The following SPAG16 variants were observed in gnomAD, a reference collection of about 807,000 sequenced individuals.
SPAG16 encodes the protein sperm associated antigen 16.
Under a neutral mutation model 80.4 loss-of-function variants are expected in SPAG16, and 86 were observed. The observed-to-expected ratio is 1.07, with a 90% CI of 0.90 to 1.28. The LOEUF (loss-of-function observed/expected upper bound fraction) is 1.28. Among genes scored for constraint, SPAG16 ranks in the 50% most tolerant of loss-of-function variants. The pLI is 0.00. For synonymous variants in SPAG16, 294 were observed against 265.9 expected (o/e 1.11, Z -1.03); for missense variants, 870 against 765.3 (o/e 1.14, Z -1.61).
At chr2:213,865,220 A>C (rs2105960699) in intron 11 of SPAG16, among the ~76,000 whole-genome samples, 1 of 152,162 alleles carries the variant, frequency 6.6e-6, no homozygotes, top group East Asian at 1.9e-4. Context: ...AAAGGCATAA[A>C]TTCTTTACCC....
At chr2:213,813,685 G>T (rs758963542) in intron 10 of SPAG16, among the ~76,000 whole-genome samples, 1 of 152,058 alleles carries the variant, frequency 6.6e-6, no homozygotes, top group South Asian at 2.1e-4. Flanking sequence ...AAGCAGAGGC[G>T]GTCTGCTGCT....
At chr2:213,364,204 A>G (rs2066150965) in intron 8 of SPAG16, 59 bp downstream of exon 8, 3 of 973,864 alleles carry the variant, frequency 3.1e-6, no homozygotes, top group East Asian at 5.9e-5. Flanking sequence ...TCTCAACCTT[A>G]TCAGTGATTA....
intron 13 of SPAG16, among the ~76,000 whole-genome samples, chr2:214,019,165 C>A (rs979451720): frequency 1.3e-5 from 2 of 152,030 alleles, no homozygotes; most frequent in Admixed American, 1.3e-4. Context: ...ATTATAAGGC[C>A]TACCTAAAGG....
At position 214,385,603 on chromosome 2, in the gene SPAG16, G is replaced by T. The variant is rs553398925; in HGVS notation, c.1721-24537G>T. On this transcript the variant is annotated intron_variant, in intron 15 of 15. Transcript: ENST00000331683. ...TTACACCTGTAATCCCAGCACTTTG[G>T]GAGGCCGAGGCAGGTGGATCACATG... Among the ~76,000 whole-genome samples the T allele has an allele frequency of 5.7e-4, 87 of 152,304 alleles. 1 individual carries two copies. The highest frequency in any genetic ancestry group is 2.1e-3 in the African/African-American group (86 of 41,572).
intron 10 of SPAG16, among the ~76,000 whole-genome samples, chr2:213,695,846 T>C (rs2065133393): frequency 6.6e-6 from 1 of 152,138 alleles, no homozygotes; most frequent in Non-Finnish European, 1.5e-5. Context: ...ATCAGGAGCT[T>C]AATGTAGGTT....
At chr2:213,460,401 G>C (rs565321111) in intron 9 of SPAG16, among the ~76,000 whole-genome samples, 24 of 152,058 alleles carry the variant, frequency 1.6e-4, no homozygotes, top group Non-Finnish European at 3.5e-4. Flanking sequence ...ATCCATACCA[G>C]GGCCTCTACC....
intron 6 of SPAG16, among the ~76,000 whole-genome samples, chr2:213,345,979 C>T (rs1266783850): frequency 6.6e-6 from 1 of 152,096 alleles, no homozygotes; most frequent in African/African-American, 2.4e-5. Context: ...GGCAGTATGG[C>T]CATTTTCACG....
At chr2:213,894,860 T>C (rs1858254) in intron 11 of SPAG16, among the ~76,000 whole-genome samples, 89,949 of 151,114 alleles carry the variant, frequency 0.6, 28,635 homozygotes, top group South Asian at 0.85. Flanking sequence ...CTTGGTGGCA[T>C]GTGCCTGTAG....
intron 14 of SPAG16, among the ~76,000 whole-genome samples, chr2:214,122,189 A>G (rs2054252769): frequency 6.6e-6 from 1 of 151,848 alleles, no homozygotes; most frequent in Admixed American, 6.6e-5. Context: ...TCAAGAACAT[A>G]AAATGTTAAA....
At chr2:213,857,554 GAA>G in intron 10 of SPAG16, among the ~76,000 whole-genome samples, 1 of 151,082 alleles carries the variant, frequency 6.6e-6, no homozygotes, top group African/African-American at 2.4e-5. Flanking sequence ...CTACTGTTCA[GAA>G]AAAAAAATGA....
At chr2:214,228,869 C>T (rs749214499) in intron 15 of SPAG16, among the ~76,000 whole-genome samples, 10 of 151,962 alleles carry the variant, frequency 6.6e-5, no homozygotes, top group South Asian at 4.1e-4. Flanking sequence ...TTCTTCAAAG[C>T]TCCTCAGCTA....
chr2:213,732,230 A>T (rs7563175), intron 10 of SPAG16, among the ~76,000 whole-genome samples: 140,530 of 151,978 alleles, frequency 0.92, 66,011 homozygotes, highest in East Asian at 1. Context: ...GTTGTAGATG[A>T]GTGGTCTTAT....
At chr2:213,655,202 G>A (rs542540094) in intron 10 of SPAG16, among the ~76,000 whole-genome samples, 4 of 152,334 alleles carry the variant, frequency 2.6e-5, no homozygotes, top group East Asian at 1.9e-4. Flanking sequence ...TATTGATGAC[G>A]AGGGAGGCTG....
intron 5 of SPAG16, among the ~76,000 whole-genome samples, chr2:213,339,791 T>C (rs1021431909): frequency 7.9e-5 from 12 of 151,876 alleles, no homozygotes; most frequent in Non-Finnish European, 1.3e-4. Flanking sequence ...ATAAAGTCTT[T>C]ATTTTTAATA....
At chr2:213,891,778 T>C (rs896317283) in intron 11 of SPAG16, among the ~76,000 whole-genome samples, 5 of 152,134 alleles carry the variant, frequency 3.3e-5, no homozygotes, top group African/African-American at 1.2e-4. Context: ...GGTAAGATAA[T>C]AGGACTTCCA....
intron 11 of SPAG16, among the ~76,000 whole-genome samples, chr2:213,911,143 A>G (rs2077646412): frequency 6.6e-6 from 1 of 152,144 alleles, no homozygotes; most frequent in Admixed American, 6.5e-5. Context: ...TTCAATAGAA[A>G]CAAGTTTTTG....
chr2:213,738,662 GT>G (rs943492782), intron 10 of SPAG16, among the ~76,000 whole-genome samples: 4 of 152,120 alleles, frequency 2.6e-5, no homozygotes, highest in African/African-American at 9.7e-5. Context: ...TTATTTTATT[GT>G]TTTTGTTATT....
chr2:214,384,929 T>A (rs1700662646), intron 15 of SPAG16, among the ~76,000 whole-genome samples: 1 of 152,232 alleles, frequency 6.6e-6, no homozygotes, highest in Admixed American at 6.5e-5. Context: ...ACACATTAGA[T>A]TTCTCCTTTC....
At chr2:213,449,315 A>G (rs79487220) in intron 9 of SPAG16, among the ~76,000 whole-genome samples, 14,821 of 152,150 alleles carry the variant, frequency 0.097, 1,890 homozygotes, top group African/African-American at 0.29. Flanking sequence ...ACCCTTATCA[A>G]TGGCTCTGCT....
Sources: allele counts gnomAD v4.1 joint callset (sites outside exome capture counted in the v4.1 genomes callset), GRCh38; gene constraint gnomAD v4.1.1; transcripts MANE v1.5; gene names NCBI Gene and HGNC (gene_info 2026-07-23, HGNC 2026-07-21).